Variants in PYGL observed in about 807,000 individuals in gnomAD.
PYGL encodes glycogen phosphorylase L.
In PYGL, 90 loss-of-function variants were observed where a neutral mutation model predicts 100.1. That is an observed-to-expected ratio of 0.90 (90% CI 0.76 to 1.07). The LOEUF is 1.07. PYGL is among the 50% of genes least tolerant of loss of function. The pLI is 0.00. For synonymous variants in PYGL, 373 were observed against 393.0 expected (o/e 0.95, Z 0.60); for missense variants, 1,016 against 1,057.6 (o/e 0.96, Z 0.55).
chr14:50,920,611 T>TCTC lies in PYGL; in HGVS notation c.782_784dup (p.Gly261dup), dbSNP rs775852766. On this transcript the variant is annotated inframe_insertion, in exon 7 of 20. Transcript: ENST00000216392. Reference sequence around the variant, plus strand: ...TCGGTCCAGCACAGCCTGAATGTAGTCTCCAACATTAACTAGGGGAAAGTT... The same window carrying TCTC: ...TCGGTCCAGCACAGCCTGAATGTAGTCTCCTCCAACATTAACTAGGGGAAAGTT... The TCTC allele has an allele frequency of 6.2e-7, 1 of 1,611,098 alleles. No homozygotes were observed. The highest frequency in any genetic ancestry group is 8.5e-7 in the Non-Finnish European group (1 of 1,177,310).
rs1368182301 is a variant in PYGL, at chr14:50,909,893, A to G, written c.2177+2T>C. 6.2e-7 allele frequency: 1 copy of G among 1,614,138 alleles called. No homozygotes were observed. Among genetic ancestry groups the G allele is most frequent in the Non-Finnish European group, 8.5e-7 (1 of 1,179,984 alleles). Reference sequence around the variant, plus strand: ...CCTAGCAAAGAGAAGCTATTCTCTTACCCTTTCTTGTCCAAAGCAGCCACA... The same window carrying G: ...CCTAGCAAAGAGAAGCTATTCTCTTGCCCTTTCTTGTCCAAAGCAGCCACA... On this transcript the variant is annotated splice_donor_variant, in intron 17 of 19. Transcript: ENST00000216392. LOFTEE classifies it high-confidence loss of function.
In PYGL at chr14:50,926,745, A is replaced by AG. The variant is rs1221926214; in HGVS notation, c.529-2646_529-2645insC. Among the ~76,000 whole-genome samples the AG allele has an allele frequency of 2.0e-4, 30 of 150,504 alleles. No individual in the cohort carries two copies. The South Asian group carries it at 6.3e-3, about 31-fold the overall frequency. On this transcript the variant is annotated intron_variant, in intron 4 of 19. Coordinates refer to ENST00000216392, the MANE Select transcript of PYGL (RefSeq NM_002863.5). ...TGTCTCAAAAAAAAAAAAAAAAAAA[A>AG]AAAAAAAAGAAAAAGTCCATTAACT... is the stretch of plus-strand genomic sequence containing the variant.
At chr14:50,908,716 A>C (rs2050358874) in intron 18 of PYGL, 105 bp downstream of exon 18, 2 of 1,472,062 alleles carry the variant, frequency 1.4e-6, no homozygotes, top group African/African-American at 1.4e-5. Context: ...AAGTTGGTTT[A>C]AGATTGGTTT....
At position 50,915,466 on chromosome 14, in the gene PYGL, G is replaced by C; in HGVS notation, c.1273C>G (p.Arg425Gly). The change falls in exon 11 of 20, where the codon CGT (arginine) becomes GGT (glycine). Residue 425 changes from arginine (R) to glycine (G), a missense_variant. Physicochemically the swap from Arg to Gly is moderately radical, Grantham distance 125. Coordinates refer to ENST00000216392, the MANE Select transcript of PYGL (RefSeq NM_002863.5). ...IVALFPKDVD[R>G]LRRMSLIEEE... ...TCTATCAGAGACATCCTTCTCAGAC[G>C]GTCCACATCTTTAGGAAACAAGGCC... 1 of 1,614,094 alleles carries C rather than the reference G, an allele frequency of 6.2e-7. No individual in the cohort carries two copies.
intron 7 of PYGL, among the ~76,000 whole-genome samples, chr14:50,920,287 C>T (rs1021745374): frequency 6.6e-6 from 1 of 152,200 alleles, no homozygotes; most frequent in African/African-American, 2.4e-5. Flanking sequence ...TTTTAAAATA[C>T]ATCTCAATAA....
chr14:50,919,275 C>G (rs1440296231), intron 7 of PYGL, among the ~76,000 whole-genome samples: 1 of 152,206 alleles, frequency 6.6e-6, no homozygotes, highest in Non-Finnish European at 1.5e-5. Context: ...TACTTTGACC[C>G]TGACATAGAA....
rs751185659 is a variant in PYGL at position 50,915,916 on chromosome 14, T to C, written c.1148A>G (p.Glu383Gly). Residue 383 changes from glutamate (E) to glycine (G), a missense_variant, in exon 10 of 20, where the codon GAA becomes GGA. Glu to Gly is a moderately conservative substitution (Grantham distance 98). Transcript: ENST00000216392. ...GTCCACGGGCCAGCGCTCCAGGGCT[T>C]CCGGGAGCACTGTGTGGTTGGTGTA... ...FAYTNHTVLP[E>G]ALERWPVDLV... 3.7e-6 allele frequency: 6 copies of C among 1,614,214 alleles called. No homozygotes were observed. In the South Asian group the frequency reaches 5.5e-5, roughly 15 times the overall value.
At chr14:50,940,274 G>A (rs1385003746) in intron 1 of PYGL, among the ~76,000 whole-genome samples, 2 of 151,966 alleles carry the variant, frequency 1.3e-5, no homozygotes, top group South Asian at 2.1e-4. Flanking sequence ...ATGATGTTTT[G>A]CCTTTTTCTT....
At chr14:50,906,922 C>T (rs1000869684) in intron 19 of PYGL, among the ~76,000 whole-genome samples, 2 of 152,200 alleles carry the variant, frequency 1.3e-5, no homozygotes, top group South Asian at 4.1e-4. Flanking sequence ...TTTAAAATCC[C>T]AGTGGGACAT....
In PYGL at chr14:50,915,465, C is replaced by A; in HGVS notation, c.1274G>T (p.Arg425Leu). ...IVALFPKDVD[R>L]LRRMSLIEEE... ...TTCTATCAGAGACATCCTTCTCAGA[C>A]GGTCCACATCTTTAGGAAACAAGGC... is the stretch of plus-strand genomic sequence containing the variant. The change falls in exon 11 of 20, where the codon CGT (arginine) becomes CTT (leucine). Residue 425 changes from arginine (R) to leucine (L), a missense_variant. Arg to Leu is a moderately radical substitution (Grantham distance 102). Coordinates refer to ENST00000216392, the MANE Select transcript of PYGL (RefSeq NM_002863.5). 6.2e-7 allele frequency: 1 copy of A among 1,614,190 alleles called. No homozygotes were observed. Among genetic ancestry groups the A allele is most frequent in the South Asian group, 1.1e-5 (1 of 91,082 alleles).
intron 1 of PYGL, among the ~76,000 whole-genome samples, chr14:50,938,927 G>C (rs757542875): frequency 6.6e-6 from 1 of 152,114 alleles, no homozygotes; most frequent in Non-Finnish European, 1.5e-5. Context: ...ACTATCTCAA[G>C]TCATCCAAGA....
intron 1 of PYGL, among the ~76,000 whole-genome samples, chr14:50,940,229 C>T (rs2050691606): frequency 6.6e-6 from 1 of 151,976 alleles, no homozygotes; most frequent in South Asian, 2.1e-4. Context: ...TTAAAAAAAT[C>T]CTTCCATGTG....
intron 2 of PYGL, among the ~76,000 whole-genome samples, chr14:50,935,636 T>C (rs2050648393): frequency 6.6e-6 from 1 of 152,186 alleles, no homozygotes; most frequent in Admixed American, 6.6e-5. Flanking sequence ...GTGTGTACAG[T>C]AGGGTTAAAA....
In PYGL at chr14:50,905,407, T is replaced by G. The variant is rs1290132222; in HGVS notation, c.2529A>C (p.Lys843Asn). 3.7e-6 allele frequency: 6 copies of G among 1,613,186 alleles called. No homozygotes were observed. The highest frequency in any genetic ancestry group is 5.1e-6 in the Non-Finnish European group (6 of 1,179,138). The change falls in exon 20 of 20, where the codon AAA becomes AAC. Residue 843 changes from lysine (K) to asparagine (N), a missense_variant. Coordinates refer to ENST00000216392, the MANE Select transcript of PYGL (RefSeq NM_002863.5). ...ATTCTAGAGTTCAATTTCCATTGAC[T>G]TTGTTAGATTCATTGGATAGAGAAA... is the stretch of plus-strand genomic sequence containing the variant. ...LKISLSNESN[K>N]VNGN
chr14:50,911,954 C>A (rs775804464), intron 15 of PYGL, 24 bp downstream of exon 15: 4 of 1,612,882 alleles, frequency 2.5e-6, no homozygotes, highest in Admixed American at 3.3e-5. Flanking sequence ...GCCCTCAAGT[C>A]CCCATTGAAT....
intron 5 of PYGL, chr14:50,921,311 T>C: frequency 1.9e-6 from 1 of 519,292 alleles, no homozygotes; most frequent in South Asian, 2.3e-5. Context: ...CTTTACAGTA[T>C]TTCTATGTTG....
chr14:50,911,149 AC>A (rs1182812662), intron 16 of PYGL, among the ~76,000 whole-genome samples: 1 of 152,190 alleles, frequency 6.6e-6, no homozygotes, highest in East Asian at 1.9e-4. Context: ...TGAGCTTGTG[AC>A]CCAAATAACC....
rs111649989 is a variant in PYGL, at chr14:50,940,506, T to G, written c.244-2669A>C. Among the ~76,000 whole-genome samples the G allele has an allele frequency of 5.8e-4, 88 of 152,356 alleles. 1 individual carries two copies. The highest frequency in any genetic ancestry group is 3.4e-3 in the Middle Eastern group (1 of 294). On this transcript the variant is annotated intron_variant, in intron 1 of 19. Transcript: ENST00000216392. Reference sequence around the variant, plus strand: ...GTAAATGAGAAAATACTTCCTTGCATGACAGACTTTATAAGGACAGGAACG... The same window carrying G: ...GTAAATGAGAAAATACTTCCTTGCAGGACAGACTTTATAAGGACAGGAACG...
chr14:50,908,127 TTTGTTTTTG>T (rs2050352077), intron 19 of PYGL, 135 bp downstream of exon 19: 1 of 626,406 alleles, frequency 1.6e-6, no homozygotes, highest in Non-Finnish European at 2.7e-6. Flanking sequence ...TGGTTGTTTG[TTTGTTTTTG>T]TTGTTTTTTT....
Sources: gnomAD v4.1 joint callset for allele counts (sites outside exome capture counted in the v4.1 genomes callset) on GRCh38, gnomAD v4.1.1 for gene constraint, MANE v1.5 for transcripts, NCBI Gene and HGNC (gene_info 2026-07-23, HGNC 2026-07-21) for gene names.